ZNF284: variants seen among roughly 807,000 people sequenced by gnomAD.
ZNF284 encodes the protein zinc finger protein 284.
Under a neutral mutation model 12.9 loss-of-function variants are expected in ZNF284, and 12 were observed. That is an observed-to-expected ratio of 0.93 (90% CI 0.60 to 1.51). ZNF284 has a LOEUF of 1.51. Among genes scored for constraint, ZNF284 ranks in the 40% most tolerant of loss-of-function variants. The pLI, the probability that ZNF284 is intolerant of heterozygous loss-of-function variation, is 0.00. For missense variants in ZNF284, 667 were observed against 707.3 expected, an observed-to-expected ratio of 0.94 and a Z score of 0.65; for synonymous variants, 225 against 236.5, an observed-to-expected ratio of 0.95 and a Z score of 0.45.
intron 4 of ZNF284, chr19:44,085,372 C>T: frequency 5.4e-6 from 1 of 184,764 alleles, no homozygotes; most frequent in Non-Finnish European, 1.1e-5. Flanking sequence ...TCTTGAAGTC[C>T]TCCTACCCTT....
intron 2 of ZNF284, among the ~76,000 whole-genome samples, chr19:44,080,501 G>A (rs1967104501): frequency 1.3e-5 from 2 of 152,168 alleles, no homozygotes; most frequent in Non-Finnish European, 1.5e-5. Context: ...CAGGAGAATT[G>A]CTTGAATCCA....
At chr19:44,073,692 C>G (rs1363128197) in intron 1 of ZNF284, among the ~76,000 whole-genome samples, 1 of 151,882 alleles carries the variant, frequency 6.6e-6, no homozygotes, top group Non-Finnish European at 1.5e-5. Flanking sequence ...GGACCACAGG[C>G]GCCCGCCACC....
Position 44,087,072 on chromosome 19 carries a change from C to T in ZNF284, c.1594C>T (p.Leu532Phe), listed in dbSNP as rs1967269847. ...CTCAACTCATCTAACCCATCAAAGA[C>T]TCCACAGCAGAGAAAAACTATTCCA... Reference protein sequence around the residue: ...WASTHLTHQRLHSREKLFQCE... With the variant: ...WASTHLTHQRFHSREKLFQCE... The change falls in exon 5 of 5, where the codon CTC becomes TTC. Residue 532 changes from leucine (L) to phenylalanine (F), a missense_variant. By Grantham distance (22) the Leu-to-Phe change is conservative. Coordinates refer to ENST00000421176, the MANE Select transcript of ZNF284 (RefSeq NM_001037813.4). 1.2e-6 allele frequency: 2 copies of T among 1,614,094 alleles called. No homozygotes were observed. The highest frequency in any genetic ancestry group is 2.2e-5 in the East Asian group (1 of 44,876).
chr19:44,082,211 C>A, intron 4 of ZNF284, 106 bp downstream of exon 4: 1 of 835,382 alleles, frequency 1.2e-6, no homozygotes, highest in Non-Finnish European at 1.9e-6. Context: ...AAACCTGTTT[C>A]CTGGATTCTT....
chr19:44,078,247 C>A (rs950068965), intron 2 of ZNF284, among the ~76,000 whole-genome samples: 2 of 152,070 alleles, frequency 1.3e-5, no homozygotes, highest in Non-Finnish European at 2.9e-5. Flanking sequence ...TATTCAAATA[C>A]ATGGGATTAA....
In ZNF284 at chr19:44,085,979, A is replaced by T; in HGVS notation, c.501A>T (p.Gln167His). ...TCTCCATCCTTGATCTTCATCAACA[A>T]TTACACTCAGGAAAGATATCCCATA... Reference protein sequence around the residue: ...SDVSILDLHQQLHSGKISHTC... With the variant: ...SDVSILDLHQHLHSGKISHTC... The change falls in exon 5 of 5, where the codon CAA becomes CAT. Residue 167 changes from glutamine to histidine, a missense_variant. Transcript: ENST00000421176. 6.2e-7 allele frequency: 1 copy of T among 1,614,144 alleles called. No individual in the cohort carries two copies. The highest frequency in any genetic ancestry group is 2.2e-5 in the East Asian group (1 of 44,892).
rs746837013 is a variant in ZNF284 at position 44,083,474 on chromosome 19, T to TATAGAG, written c.235+1370_235+1371insTAGAGA. On this transcript the variant is annotated intron_variant, in intron 4 of 4. Transcript: ENST00000421176. ...AAATATATATATATATATATATATA[T>TATAGAG]AGAGAGAGAGAGAGAGAGAGAGAGA... 4.5e-3 allele frequency among the ~76,000 whole-genome samples: 290 copies of TATAGAG among 64,888 alleles called. 7 individuals carry two copies. Among genetic ancestry groups the TATAGAG allele is most frequent in the Middle Eastern group, 9.6e-3 (1 of 104 alleles). 42.6% of individuals were successfully genotyped at this position (64,888 alleles called of 152,430 possible).
In ZNF284 at chr19:44,086,437, G is replaced by C. The variant is rs1437946658; in HGVS notation, c.959G>C (p.Cys320Ser). The C allele has an allele frequency of 1.9e-6, 3 of 1,614,086 alleles. No homozygotes were observed. The highest frequency in any genetic ancestry group is 2.2e-5 in the South Asian group (2 of 91,086). Residue 320 changes from cysteine (C) to serine (S), a missense_variant, in exon 5 of 5, where the codon TGT becomes TCT. Coordinates refer to ENST00000421176, the MANE Select transcript of ZNF284 (RefSeq NM_001037813.4). ...GAGAAATCATTTAGATGTGATACCT[G>C]TAGTAATAGCTTTGGTCAGAGATCA... ...MQEKSFRCDTCSNSFGQRSAL... is the reference protein window; with the variant it reads ...MQEKSFRCDTSSNSFGQRSAL...
At position 44,087,082 on chromosome 19, in the gene ZNF284, G is replaced by C. The variant is rs781475023; in HGVS notation, c.1604G>C (p.Arg535Thr). ...CTAACCCATCAAAGACTCCACAGCA[G>C]AGAAAAACTATTCCAATGTGAGGAT... is the stretch of plus-strand genomic sequence containing the variant. The part of the protein sequence containing the change: ...THLTHQRLHS[R>T]EKLFQCEDCG... The change falls in exon 5 of 5, where the codon AGA becomes ACA. Residue 535 changes from arginine (R) to threonine (T), a missense_variant. Transcript: ENST00000421176. 6.2e-7 allele frequency: 1 copy of C among 1,614,124 alleles called. No individual in the cohort carries two copies. The highest frequency in any genetic ancestry group is 1.1e-5 in the South Asian group (1 of 91,080).
chr19:44,082,929 A>G (rs544958866), intron 4 of ZNF284, among the ~76,000 whole-genome samples: 1 of 152,292 alleles, frequency 6.6e-6, no homozygotes, highest in East Asian at 1.9e-4. Flanking sequence ...CTCTTGCTAT[A>G]TAACATAACA....
In ZNF284 at chr19:44,081,011, G is replaced by T; in HGVS notation, c.16-4G>T. 6.2e-7 allele frequency: 1 copy of T among 1,610,722 alleles called. No homozygotes were observed. The highest frequency in any genetic ancestry group is 8.5e-7 in the Non-Finnish European group (1 of 1,177,940). The stretch of plus-strand genomic sequence containing the variant: ...ATTGAGATTGCATACGTTTGTTGTT[G>T]TAGGAGGCAGTGACCTTCAAGGATG... On this transcript the variant is annotated splice_polypyrimidine_tract_variant and splice_region_variant and intron_variant, in intron 2 of 4. Transcript: ENST00000421176.
intron 1 of ZNF284, among the ~76,000 whole-genome samples, chr19:44,073,202 G>A (rs1450307588): frequency 6.6e-6 from 1 of 152,204 alleles, no homozygotes; most frequent in Non-Finnish European, 1.5e-5. Context: ...AGTAAGAGGT[G>A]GAGCTGCGGT....
chr19:44,082,072 A>G lies in ZNF284; in HGVS notation c.202A>G (p.Met68Val), dbSNP rs200294399. 1 of 1,613,700 alleles carries G rather than the reference A, an allele frequency of 6.2e-7. No homozygotes were observed. Among genetic ancestry groups the G allele is most frequent in the Non-Finnish European group, 8.5e-7 (1 of 1,179,834 alleles). The change falls in exon 4 of 5, where the codon ATG becomes GTG. Residue 68 changes from methionine (M) to valine (V), a missense_variant. Coordinates refer to ENST00000421176, the MANE Select transcript of ZNF284 (RefSeq NM_001037813.4). The part of the protein sequence containing the change: ...HFQREEKFWI[M>V]ETATQREGNS... ...CCAAAGAGAAGAAAAGTTTTGGATC[A>G]TGGAGACAGCAACCCAAAGAGAAGG... is the stretch of plus-strand genomic sequence containing the variant.
chr19:44,072,395 G>T, intron 1 of ZNF284, 104 bp downstream of exon 1: 1 of 152,348 alleles, frequency 6.6e-6, no homozygotes. Flanking sequence ...GTTGGGACTT[G>T]GTCGGGACGC....
Position 44,086,006 on chromosome 19 carries a change from A to G in ZNF284, c.528A>G (p.Thr176=), listed in dbSNP as rs2147509021. The change falls in exon 5 of 5, where the codon ACA becomes ACG. Residue 176 remains threonine, a synonymous_variant. Coordinates refer to ENST00000421176, the MANE Select transcript of ZNF284 (RefSeq NM_001037813.4). ...QQLHSGKISH[T]CNEYRKRFCY... ...TACACTCAGGAAAGATATCCCATAC[A>G]TGTAATGAGTACAGGAAGAGATTCT... is the stretch of plus-strand genomic sequence containing the variant. 1 of 1,614,164 alleles carries G rather than the reference A, an allele frequency of 6.2e-7. No homozygotes were observed. The highest frequency in any genetic ancestry group is 8.5e-7 in the Non-Finnish European group (1 of 1,180,014).
Position 44,086,576 on chromosome 19 carries a change from A to G in ZNF284, c.1098A>G (p.Thr366=). The G allele has an allele frequency of 6.2e-7, 1 of 1,614,232 alleles. No individual in the cohort carries two copies. Among genetic ancestry groups the G allele is most frequent in the Non-Finnish European group, 8.5e-7 (1 of 1,180,034 alleles). ...TTTGTAAGCATCAGATGGACCATAC[A>G]GGAGACAAACCATATAATTGTAATG... is the stretch of plus-strand genomic sequence containing the variant. ...QDLCKHQMDH[T]GDKPYNCNVC... is the part of the protein sequence containing the mutation. The change falls in exon 5 of 5, where the codon ACA becomes ACG. Residue 366 remains threonine, a synonymous_variant. Coordinates refer to ENST00000421176, the MANE Select transcript of ZNF284 (RefSeq NM_001037813.4).
At chr19:44,081,699 G>A (rs1023743194) in intron 3 of ZNF284, among the ~76,000 whole-genome samples, 14 of 151,714 alleles carry the variant, frequency 9.2e-5, no homozygotes, top group Non-Finnish European at 1.6e-4. Flanking sequence ...GCGACAGAGC[G>A]AGACTCCGTC....
intron 1 of ZNF284, among the ~76,000 whole-genome samples, chr19:44,073,164 G>C (rs1339735776): frequency 6.6e-6 from 1 of 152,248 alleles, no homozygotes; most frequent in Non-Finnish European, 1.5e-5. Context: ...CAAAGGAGCA[G>C]GAGTTATCTG....
In ZNF284 at chr19:44,082,088, A is replaced by G; in HGVS notation, c.218A>G (p.Gln73Arg). 6.2e-7 allele frequency: 1 copy of G among 1,613,298 alleles called. No individual in the cohort carries two copies. Among genetic ancestry groups the G allele is most frequent in the Non-Finnish European group, 8.5e-7 (1 of 1,179,632 alleles). The change falls in exon 4 of 5, where the codon CAA becomes CGA. Residue 73 changes from glutamine (Q) to arginine (R), a missense_variant. Coordinates refer to ENST00000421176, the MANE Select transcript of ZNF284 (RefSeq NM_001037813.4). ...TTTTGGATCATGGAGACAGCAACCC[A>G]AAGAGAAGGGAATTCAGGTAAGAAC... ...EKFWIMETAT[Q>R]REGNSGGKIQ...
Sources: gnomAD v4.1 joint callset for allele counts (sites outside exome capture counted in the v4.1 genomes callset) on GRCh38, gnomAD v4.1.1 for gene constraint, MANE v1.5 for transcripts, NCBI Gene and HGNC (gene_info 2026-07-23, HGNC 2026-07-21) for gene names.